CALN1: variants seen among roughly 807,000 people sequenced by gnomAD.
The protein encoded by CALN1 is calneuron 1, also known as calcium-binding protein 8.
In CALN1, 17 loss-of-function variants were observed where a neutral mutation model predicts 30.6. The observed-to-expected ratio is 0.56, with a 90% CI of 0.38 to 0.83. The LOEUF (loss-of-function observed/expected upper bound fraction) is 0.83. Ranked by LOEUF, CALN1 falls within the 40% of genes least tolerant of loss-of-function variation. CALN1 has a pLI of 0.00. For missense variants in CALN1, 291 were observed against 354.9 expected (o/e 0.82, Z 1.45); for synonymous variants, 156 against 131.4 (o/e 1.19, Z -1.28).
At chr7:72,007,669 C>T (rs370762961) in intron 5 of CALN1, among the ~76,000 whole-genome samples, 1 of 152,096 alleles carries the variant, frequency 6.6e-6, no homozygotes, top group Non-Finnish European at 1.5e-5. Flanking sequence ...TCCATGAGTG[C>T]GAGAGCCTTG....
At chr7:72,366,338 G>T (rs112660214) in intron 2 of CALN1, among the ~76,000 whole-genome samples, 67 of 151,876 alleles carry the variant, frequency 4.4e-4, no homozygotes, top group Non-Finnish European at 8.1e-4. Context: ...ACCATGCCCA[G>T]CTAATTTTTA....
intron 5 of CALN1, among the ~76,000 whole-genome samples, chr7:71,937,705 C>G (rs916354500): frequency 2.0e-5 from 3 of 152,144 alleles, no homozygotes; most frequent in African/African-American, 7.2e-5. Context: ...TCTCAAACTA[C>G]TGGGCTCAAG....
chr7:71,943,354 G>A (rs1796234419), intron 5 of CALN1, among the ~76,000 whole-genome samples: 1 of 152,166 alleles, frequency 6.6e-6, no homozygotes, highest in East Asian at 1.9e-4. Flanking sequence ...GAGTCCTCAC[G>A]CTGCCATATG....
intron 5 of CALN1, among the ~76,000 whole-genome samples, chr7:71,908,287 G>C (rs561670237): frequency 1.3e-4 from 20 of 152,088 alleles, no homozygotes; most frequent in Non-Finnish European, 2.8e-4. Context: ...TTTCCCCTAT[G>C]CTTACACTAT....
chr7:72,378,214 A>C (rs1403913697), intron 2 of CALN1, among the ~76,000 whole-genome samples: 1 of 152,140 alleles, frequency 6.6e-6, no homozygotes, highest in Admixed American at 6.5e-5. Context: ...AGACAAGCTA[A>C]AACAAATACT....
chr7:72,225,155 G>T lies in CALN1; in HGVS notation c.244+53531C>A, dbSNP rs191326729. Among the ~76,000 whole-genome samples the T allele has an allele frequency of 5.3e-5, 8 of 151,696 alleles. No homozygotes were observed. The East Asian group carries it at 1.6e-3, about 30-fold the overall frequency. On this transcript the variant is annotated intron_variant, in intron 3 of 6. Transcript: ENST00000395275. ...TTTTCCCTGCACTTGGTCTCTCATA[G>T]GCCCAATGTGGTGCTTCACAGGCCC...
chr7:72,147,526 G>GGAAGAC (rs1310287939), intron 3 of CALN1, among the ~76,000 whole-genome samples: 1 of 148,404 alleles, frequency 6.7e-6, no homozygotes, highest in Non-Finnish European at 1.5e-5. Flanking sequence ...CAACCATTGT[G>GGAAGAC]GAAGACAGTG....
At chr7:71,889,162 T>C (rs956211326) in intron 5 of CALN1, among the ~76,000 whole-genome samples, 4 of 152,186 alleles carry the variant, frequency 2.6e-5, no homozygotes, top group African/African-American at 9.7e-5. Flanking sequence ...GGGTAGATTC[T>C]AAACAACTGA....
chr7:71,911,532 T>G (rs1334613961), intron 5 of CALN1, among the ~76,000 whole-genome samples: 3 of 152,166 alleles, frequency 2.0e-5, no homozygotes, highest in Non-Finnish European at 4.4e-5. Context: ...AACATTGTGA[T>G]GTACTAATAT....
chr7:71,850,223 G>GT (rs1407881348), intron 5 of CALN1, among the ~76,000 whole-genome samples: 9 of 152,210 alleles, frequency 5.9e-5, no homozygotes, highest in African/African-American at 1.7e-4. Context: ...TTTTGTTGTT[G>GT]TTTTTTCTTG....
chr7:71,873,853 A>G (rs1792089135), intron 5 of CALN1, among the ~76,000 whole-genome samples: 1 of 152,274 alleles, frequency 6.6e-6, no homozygotes, highest in Non-Finnish European at 1.5e-5. Context: ...ATAAACTTAT[A>G]ACAACTATTC....
At chr7:72,217,789 G>C (rs1031959752) in intron 3 of CALN1, among the ~76,000 whole-genome samples, 1 of 150,990 alleles carries the variant, frequency 6.6e-6, no homozygotes, top group Non-Finnish European at 1.5e-5. Context: ...ATCAGCTTGG[G>C]CAATATAGCG....
At chr7:72,047,058 G>A (rs763916636) in intron 4 of CALN1, among the ~76,000 whole-genome samples, 2 of 152,002 alleles carry the variant, frequency 1.3e-5, no homozygotes, top group African/African-American at 2.4e-5. Context: ...GAGTGAAACT[G>A]TCTCAAAAAA....
intron 1 of CALN1, among the ~76,000 whole-genome samples, chr7:72,410,194 A>C (rs886193663): frequency 6.6e-6 from 1 of 152,116 alleles, no homozygotes; most frequent in Non-Finnish European, 1.5e-5. Flanking sequence ...GGAACATGAG[A>C]GCCTGGAGCT....
At chr7:72,274,434 G>A (rs1035199824) in intron 3 of CALN1, among the ~76,000 whole-genome samples, 1 of 151,802 alleles carries the variant, frequency 6.6e-6, no homozygotes, top group African/African-American at 2.4e-5. Context: ...CTTGAACCTG[G>A]GAGGTGGAGG....
intron 5 of CALN1, among the ~76,000 whole-genome samples, chr7:71,873,148 C>T (rs1271484672): frequency 2.6e-5 from 4 of 151,712 alleles, no homozygotes; most frequent in African/African-American, 9.7e-5. Context: ...GGATTACAGG[C>T]ACCCACCACC....
intron 5 of CALN1, among the ~76,000 whole-genome samples, chr7:71,950,621 C>T (rs182122269): frequency 6.6e-6 from 1 of 152,276 alleles, no homozygotes; most frequent in Admixed American, 6.5e-5. Context: ...TTGTCCCTAA[C>T]ACCCCCGATC....
At chr7:72,319,832 A>C (rs1455971017) in intron 2 of CALN1, among the ~76,000 whole-genome samples, 1 of 152,098 alleles carries the variant, frequency 6.6e-6, no homozygotes, top group Non-Finnish European at 1.5e-5. Flanking sequence ...GTGGAAACAT[A>C]GACAATGGAG....
chr7:72,186,406 CT>C (rs1243079956), intron 3 of CALN1, among the ~76,000 whole-genome samples: 1 of 152,008 alleles, frequency 6.6e-6, no homozygotes, highest in Non-Finnish European at 1.5e-5. Flanking sequence ...AAATTAGTGC[CT>C]GTATCAGCAT....
Sources: gnomAD v4.1 joint callset for allele counts (sites outside exome capture counted in the v4.1 genomes callset) on GRCh38, gnomAD v4.1.1 for gene constraint, MANE v1.5 for transcripts, NCBI Gene and HGNC (gene_info 2026-07-23, HGNC 2026-07-21) for gene names.